Variants in AGBL1 observed in about 807,000 individuals in gnomAD.
AGBL1 encodes the protein cytosolic carboxypeptidase 4.
In AGBL1, 130 loss-of-function variants were observed where a neutral mutation model predicts 118.9. That is an observed-to-expected ratio of 1.09 (90% CI 0.95 to 1.26). The LOEUF (loss-of-function observed/expected upper bound fraction) is 1.26, where lower values mean the gene tolerates loss of function less well. AGBL1 is among the 50% of genes most tolerant of loss of function. The probability of loss-of-function intolerance (pLI) is 0.00; values close to 1 mark genes in which losing one functional copy is unlikely to be tolerated. For synonymous variants in AGBL1, 555 were observed against 478.9 expected, an observed-to-expected ratio of 1.16 and a Z score of -2.08; for missense variants, 1,584 against 1,298.1, an observed-to-expected ratio of 1.22 and a Z score of -3.38.
chr15:86,517,841 C>A (rs1199976071), intron 18 of AGBL1, among the ~76,000 whole-genome samples: 1 of 152,144 alleles, frequency 6.6e-6, no homozygotes, highest in Admixed American at 6.5e-5. Context: ...ATTTGGAAAG[C>A]TCTGGGTGCA....
intron 1 of AGBL1, among the ~76,000 whole-genome samples, chr15:86,083,014 A>G (rs1895389608): frequency 6.6e-6 from 1 of 152,184 alleles, no homozygotes; most frequent in African/African-American, 2.4e-5. Context: ...GTTCCTTAGC[A>G]TTTCTGTGAG....
chr15:86,821,022 C>T (rs1387700579), intron 22 of AGBL1, among the ~76,000 whole-genome samples: 1 of 152,160 alleles, frequency 6.6e-6, no homozygotes, highest in Non-Finnish European at 1.5e-5. Flanking sequence ...AGTTCATGTC[C>T]TTTGCAGGGA....
chr15:86,501,674 G>A (rs1350991515), intron 18 of AGBL1, among the ~76,000 whole-genome samples: 1 of 151,486 alleles, frequency 6.6e-6, no homozygotes, highest in Non-Finnish European at 1.5e-5. Flanking sequence ...TGGATATTCT[G>A]TTCTCCTAGC....
chr15:86,208,010 G>GT (rs57733321), intron 5 of AGBL1, among the ~76,000 whole-genome samples: 63 of 150,376 alleles, frequency 4.2e-4, no homozygotes, highest in African/African-American at 5.4e-4. Flanking sequence ...TTTATTGAGA[G>GT]TTTTTTTTTT....
At chr15:86,921,862 C>A (rs1052646937) in intron 23 of AGBL1, among the ~76,000 whole-genome samples, 2 of 152,132 alleles carry the variant, frequency 1.3e-5, no homozygotes, top group African/African-American at 2.4e-5. Context: ...TCCCATATAT[C>A]CTTCAGGAGC....
intron 5 of AGBL1, among the ~76,000 whole-genome samples, chr15:86,190,768 A>G (rs1304270799): frequency 6.6e-6 from 1 of 152,240 alleles, no homozygotes; most frequent in East Asian, 1.9e-4. Context: ...ACATTTATGT[A>G]GAATGAATAA....
chr15:86,611,854 C>T lies in AGBL1; in HGVS notation c.2994+57317C>T, dbSNP rs1186397436. 2.6e-5 allele frequency among the ~76,000 whole-genome samples: 4 copies of T among 152,094 alleles called. No homozygotes were observed. In the East Asian group the frequency reaches 5.8e-4, roughly 22 times the overall value. The stretch of plus-strand genomic sequence containing the variant: ...AGTTTACTGTAAACTCAGGGTGAGT[C>T]AACAGAACCACAAGACTGCCAAGAA... On this transcript the variant is annotated intron_variant, in intron 21 of 22. Transcript: ENST00000614907.
At chr15:86,366,943 T>C (rs1173173200) in intron 17 of AGBL1, among the ~76,000 whole-genome samples, 2 of 152,208 alleles carry the variant, frequency 1.3e-5, no homozygotes, top group Admixed American at 1.3e-4. Flanking sequence ...TTGTGGACCA[T>C]GCTTAGAAAT....
In AGBL1 at chr15:86,264,630, A is replaced by G. The variant is rs1251421203; in HGVS notation, c.1459A>G (p.Arg487Gly). 1 of 1,613,800 alleles carries G rather than the reference A, an allele frequency of 6.2e-7. No individual in the cohort carries two copies. The change falls in exon 11 of 23, where the codon AGG becomes GGG. Residue 487 changes from arginine to glycine, a missense_variant. Coordinates refer to ENST00000614907, the MANE Select transcript of AGBL1 (RefSeq NM_001386094.1). ...RMSASFSNST[R>G]TREVVKVIDK... ...GAGTGCCTCCTTTTCTAATTCCACT[A>G]GGACTAGAGAAGTTGTCAAAGTAAT...
intron 18 of AGBL1, among the ~76,000 whole-genome samples, chr15:86,509,943 C>A (rs2083032785): frequency 9.2e-6 from 1 of 108,928 alleles, no homozygotes; most frequent in Non-Finnish European, 1.8e-5. Context: ...AAGGCTGAAG[C>A]TCATTTTTTT....
chr15:86,220,127 A>G (rs979884012), intron 5 of AGBL1, among the ~76,000 whole-genome samples: 1 of 151,622 alleles, frequency 6.6e-6, no homozygotes. Flanking sequence ...AATTTTTTGT[A>G]GTTTTTAGTA....
chr15:86,525,018 T>C (rs2083244268), intron 19 of AGBL1, among the ~76,000 whole-genome samples: 2 of 152,268 alleles, frequency 1.3e-5, no homozygotes, highest in East Asian at 1.9e-4. Flanking sequence ...ACTCCCTCAA[T>C]AGACTCTTAC....
chr15:86,973,530 C>G (rs1226031823), intron 23 of AGBL1, among the ~76,000 whole-genome samples: 1 of 151,128 alleles, frequency 6.6e-6, no homozygotes, highest in Admixed American at 6.6e-5. Flanking sequence ...CTAGCATGAT[C>G]GGAAAAAAAT....
At chr15:86,771,849 C>T (rs12438353) in intron 22 of AGBL1, among the ~76,000 whole-genome samples, 58,211 of 151,890 alleles carry the variant, frequency 0.38, 11,767 homozygotes, top group African/African-American at 0.51. Context: ...GTTAGAGAGC[C>T]TATTGGCCCC....
At chr15:86,895,184 T>C (rs1025410653) in intron 22 of AGBL1, among the ~76,000 whole-genome samples, 1 of 152,002 alleles carries the variant, frequency 6.6e-6, no homozygotes. Context: ...CCCCCTCTTT[T>C]CTTTTCCCAG....
At chr15:86,519,273 A>G (rs1456066844) in intron 18 of AGBL1, among the ~76,000 whole-genome samples, 1 of 152,182 alleles carries the variant, frequency 6.6e-6, no homozygotes, top group Admixed American at 6.5e-5. Flanking sequence ...ATTCTTATAA[A>G]GAAAGCAGAA....
intron 22 of AGBL1, among the ~76,000 whole-genome samples, chr15:86,805,338 T>G (rs1260284524): frequency 6.6e-6 from 1 of 152,122 alleles, no homozygotes; most frequent in African/African-American, 2.4e-5. Flanking sequence ...TGTGAATTGT[T>G]CCAGCACGCC....
At chr15:86,792,427 C>G (rs1399727162) in intron 22 of AGBL1, among the ~76,000 whole-genome samples, 1 of 152,070 alleles carries the variant, frequency 6.6e-6, no homozygotes, top group East Asian at 1.9e-4. Flanking sequence ...GCAAAGATGT[C>G]AAGCAAGGAA....
intron 24 of AGBL1, among the ~76,000 whole-genome samples, chr15:86,995,022 A>G (rs1201504125): frequency 2.0e-5 from 3 of 152,110 alleles, no homozygotes; most frequent in Non-Finnish European, 2.9e-5. Context: ...ACTATGATGG[A>G]GACCGTGTTA....
Sources: gnomAD v4.1 joint callset for allele counts (sites outside exome capture counted in the v4.1 genomes callset) on GRCh38, gnomAD v4.1.1 for gene constraint, MANE v1.5 for transcripts, NCBI Gene and HGNC (gene_info 2026-07-23, HGNC 2026-07-21) for gene names.